FGF1: variants seen among roughly 807,000 people sequenced by gnomAD.
The protein encoded by FGF1 is fibroblast growth factor 1.
A neutral mutation model predicts 13.4 loss-of-function variants in FGF1; 9 were observed. The observed-to-expected ratio is 0.67, with a 90% CI of 0.40 to 1.17. The LOEUF is 1.17. FGF1 is among the 50% of genes most tolerant of loss of function. The probability of loss-of-function intolerance (pLI) is 0.01; values close to 1 mark genes in which losing one functional copy is unlikely to be tolerated. For missense variants in FGF1, 156 were observed against 192.7 expected (o/e 0.81, Z 1.13); for synonymous variants, 93 against 79.0 (o/e 1.18, Z -0.94).
At chr5:142,610,447 G>A (rs913907530) in intron 2 of FGF1, among the ~76,000 whole-genome samples, 1 of 152,146 alleles carries the variant, frequency 6.6e-6, no homozygotes, top group Non-Finnish European at 1.5e-5. Flanking sequence ...TGCATGGTAC[G>A]TGAGACACTC....
At chr5:142,614,224 AG>A in intron 1 of FGF1, 63 bp from the exon 2 acceptor site, 1 of 1,361,630 alleles carries the variant, frequency 7.3e-7, no homozygotes, top group Non-Finnish European at 1.0e-6. Context: ...TGCACTTTGA[AG>A]AGAGGAAGGA....
chr5:142,669,709 G>A (rs1270101433), intron 1 of FGF1, among the ~76,000 whole-genome samples: 1 of 152,214 alleles, frequency 6.6e-6, no homozygotes, highest in Non-Finnish European at 1.5e-5. Context: ...CTGACTGGCA[G>A]GCAGTGGACG....
intron 2 of FGF1, among the ~76,000 whole-genome samples, chr5:142,601,431 C>T (rs1281815281): frequency 6.6e-6 from 1 of 152,176 alleles, no homozygotes; most frequent in African/African-American, 2.4e-5. Flanking sequence ...TTCCGTCAAT[C>T]CCTCAGCCTC....
intron 2 of FGF1, among the ~76,000 whole-genome samples, chr5:142,691,166 A>T (rs756533198): frequency 2.6e-5 from 4 of 152,138 alleles, no homozygotes; most frequent in Non-Finnish European, 5.9e-5. Context: ...CATGCCTATA[A>T]TCCCAGCACT....
chr5:142,634,141 C>T (rs1373322050), intron 1 of FGF1, among the ~76,000 whole-genome samples: 4 of 148,650 alleles, frequency 2.7e-5, no homozygotes, highest in African/African-American at 1.0e-4. Flanking sequence ...TGCAGTGAGC[C>T]GAGATCGTGC....
intron 2 of FGF1, among the ~76,000 whole-genome samples, chr5:142,612,671 G>A (rs1446457695): frequency 6.6e-6 from 1 of 151,636 alleles, no homozygotes; most frequent in Non-Finnish European, 1.5e-5. Context: ...AAGACATTCA[G>A]CAAGCCCATT....
intron 2 of FGF1, among the ~76,000 whole-genome samples, chr5:142,691,421 C>CAAATAAAATAAAATA (rs151025512): frequency 1.1e-3 from 138 of 128,528 alleles, no homozygotes; most frequent in South Asian, 8.1e-3. Context: ...GACTCTGTCT[C>CAAATAAAATAAAATA]AAATAAAATA....
chr5:142,613,252 A>G (rs1040951751), intron 2 of FGF1, among the ~76,000 whole-genome samples: 3 of 152,224 alleles, frequency 2.0e-5, no homozygotes, highest in African/African-American at 7.2e-5. Flanking sequence ...ATTTTTTTAT[A>G]CTTAGATAGT....
chr5:142,662,971 G>A (rs776760732), intron 1 of FGF1, among the ~76,000 whole-genome samples: 4 of 152,010 alleles, frequency 2.6e-5, no homozygotes, highest in African/African-American at 4.8e-5. Context: ...GCACAGGCAC[G>A]TGCCACTAGG....
chr5:142,687,109 G>T (rs1751374097), upstream of FGF1, among the ~76,000 whole-genome samples: 1 of 146,386 alleles, frequency 6.8e-6, no homozygotes, highest in Non-Finnish European at 1.5e-5. Context: ...AGCCCAGAAG[G>T]CATGAGTGTG....
intron 1 of FGF1, among the ~76,000 whole-genome samples, chr5:142,625,447 C>T (rs1762301632): frequency 6.6e-6 from 1 of 152,134 alleles, no homozygotes; most frequent in Non-Finnish European, 1.5e-5. Flanking sequence ...CCTCATAGAG[C>T]ATCATTCAGT....
intron 2 of FGF1, among the ~76,000 whole-genome samples, chr5:142,692,756 A>G (rs911234264): frequency 1.3e-5 from 2 of 151,092 alleles, no homozygotes; most frequent in African/African-American, 4.9e-5. Flanking sequence ...AAGTTACAAG[A>G]TGCCCCAGGC....
intron 1 of FGF1, among the ~76,000 whole-genome samples, chr5:142,639,621 G>A (rs6875147): frequency 0.38 from 57,358 of 151,732 alleles, 11,587 homozygotes; most frequent in Non-Finnish European, 0.46. Flanking sequence ...TCAGTTAGAC[G>A]AAATGAATAG....
At chr5:142,639,237 T>C (rs1764768589) in intron 1 of FGF1, among the ~76,000 whole-genome samples, 2 of 152,126 alleles carry the variant, frequency 1.3e-5, no homozygotes, top group Admixed American at 6.5e-5. Context: ...CATTGCTACA[T>C]TATTCACAAT....
chr5:142,606,318 A>G (rs1387087286), intron 2 of FGF1, among the ~76,000 whole-genome samples: 1 of 151,590 alleles, frequency 6.6e-6, no homozygotes, highest in South Asian at 2.1e-4. Context: ...ACTAAATTGC[A>G]ATGGGAGAAT....
Position 142,697,777 on chromosome 5 carries a change from C to T in FGF1, c.-128-62G>A, listed in dbSNP as rs144821422. The T allele has an allele frequency of 8.3e-3, 1,263 of 152,368 alleles. 4 individuals are homozygous for T. Among genetic ancestry groups the T allele is most frequent in the Non-Finnish European group, 0.011 (776 of 68,152 alleles). 9.4% of individuals were successfully genotyped at this position (152,368 alleles called of 1,614,324 possible). ...GGGAGTGTCCTCCCAGAAAAGGAGG[C>T]GATGCCCTGATTCCCCTGGAGCGAA... On this transcript the variant is annotated intron_variant, in intron 1 of 4. Transcript: ENST00000407758.
chr5:142,608,760 C>T (rs1294367521), intron 2 of FGF1, among the ~76,000 whole-genome samples: 1 of 140,110 alleles, frequency 7.1e-6, no homozygotes, highest in African/African-American at 2.6e-5. Context: ...TATATATACA[C>T]ATATATATCA....
chr5:142,638,371 C>T (rs1372357832), intron 1 of FGF1, among the ~76,000 whole-genome samples: 1 of 152,064 alleles, frequency 6.6e-6, no homozygotes, highest in Non-Finnish European at 1.5e-5. Context: ...TCAGACTTCA[C>T]CCCGGAGGCC....
chr5:142,602,054 G>A (rs1371980814), intron 2 of FGF1, among the ~76,000 whole-genome samples: 1 of 152,224 alleles, frequency 6.6e-6, no homozygotes, highest in African/African-American at 2.4e-5. Context: ...AGTTCCCTAG[G>A]AGGATGAGGG....
Sources: allele counts gnomAD v4.1 joint callset (sites outside exome capture counted in the v4.1 genomes callset), GRCh38; gene constraint gnomAD v4.1.1; transcripts MANE v1.5; gene names NCBI Gene and HGNC (gene_info 2026-07-23, HGNC 2026-07-21).